The following DNMT1 variants were observed in gnomAD, a reference collection of about 807,000 sequenced individuals.
The protein encoded by DNMT1 is DNA methyltransferase 1, also known as DNA (cytosine-5)-methyltransferase 1.
A neutral mutation model predicts 205.3 loss-of-function variants in DNMT1; 24 were observed. The ratio of observed to expected loss-of-function variants is 0.12; its 90% CI spans 0.08 to 0.16. DNMT1 has a LOEUF of 0.16. Among genes scored for constraint, DNMT1 ranks in the 10% least tolerant of loss-of-function variants. DNMT1 has a pLI of 1.00. For synonymous variants in DNMT1, 817 were observed against 839.8 expected (o/e 0.97, Z 0.47); for missense variants, 1,293 against 2,177.7 (o/e 0.59, Z 8.09).
At chr19:10,150,819 A>G (rs1214378672) in intron 24 of DNMT1, among the ~76,000 whole-genome samples, 1 of 152,168 alleles carries the variant, frequency 6.6e-6, no homozygotes, top group Non-Finnish European at 1.5e-5. Context: ...GGGGCCAGGC[A>G]CAGTGGCTCC....
Position 10,139,730 on chromosome 19 carries a change from G to T in DNMT1, c.3894C>A (p.Leu1298=). 1.2e-6 allele frequency: 2 copies of T among 1,613,500 alleles called. No homozygotes were observed. The highest frequency in any genetic ancestry group is 1.7e-6 in the Non-Finnish European group (2 of 1,179,886). ...CCATGCGGACCAGGCAGCGGAGGGTGAGCTTCAGGACCATGGAGCGCTTGA... is the reference window on the plus strand; with the variant it reads ...CCATGCGGACCAGGCAGCGGAGGGTTAGCTTCAGGACCATGGAGCGCTTGA... ...VSFKRSMVLK[L]TLRCLVRMGY... is the part of the protein sequence containing the mutation. The change falls in exon 34 of 41, where the codon CTC becomes CTA. Residue 1298 remains leucine, a synonymous_variant. Coordinates refer to ENST00000359526, the MANE Select transcript of DNMT1 (RefSeq NM_001130823.3).
rs558564047 is a variant in DNMT1 at position 10,139,496 on chromosome 19, G to C, written c.3948+180C>G. On this transcript the variant is annotated intron_variant, in intron 34 of 40. Coordinates refer to ENST00000359526, the MANE Select transcript of DNMT1 (RefSeq NM_001130823.3). ...AGAGACACTAGCGGTGGACTTGCTG[G>C]GGGCCGGCTGAGCACGCATCTCCCC... Among the ~76,000 whole-genome samples, 400 of 152,338 alleles carry C rather than the reference G, an allele frequency of 2.6e-3. 2 individuals carry two copies. Among genetic ancestry groups the C allele is most frequent in the African/African-American group, 9.3e-3 (388 of 41,584 alleles).
intron 28 of DNMT1, 136 bp from the exon 29 acceptor site, chr19:10,144,123 AT>A: frequency 2.1e-6 from 2 of 931,888 alleles, no homozygotes; most frequent in Non-Finnish European, 1.7e-6. Flanking sequence ...CTAAGAAATG[AT>A]TTAGGCTGGG....
chr19:10,183,570 T>C (rs944144178), intron 1 of DNMT1, among the ~76,000 whole-genome samples: 1 of 152,068 alleles, frequency 6.6e-6, no homozygotes. Flanking sequence ...ATACAAAAAT[T>C]AGTGGCTGGG....
Position 10,151,426 on chromosome 19 carries a change from C to T in DNMT1, c.2237G>A (p.Arg746His). The change falls in exon 24 of 41, where the codon CGC (arginine) becomes CAC (histidine). Residue 746 changes from arginine (R) to histidine (H), a missense_variant. By Grantham distance (29) the Arg-to-His change is conservative. Around this residue, in one of 13 missense-constraint regions of DNMT1, gnomAD observed 197 missense variants for 353.6 expected, o/e 0.56. Transcript: ENST00000359526. The surrounding 1 kb of genome is among the most constrained non-coding windows in gnomAD (Gnocchi z 5.0). ...QGKKKKQNKNRISWVGEAVKT... is the reference protein window; with the variant it reads ...QGKKKKQNKNHISWVGEAVKT... The stretch of plus-strand genomic sequence containing the variant: ...GACGGCTTCTCCGACCCAAGAGATG[C>T]GATTCTTGTTCTGTTTCTTCTTCTT... The T allele has an allele frequency of 3.1e-6, 5 of 1,613,906 alleles. No homozygotes were observed. Among genetic ancestry groups the T allele is most frequent in the Non-Finnish European group, 3.4e-6 (4 of 1,180,014 alleles).
chr19:10,187,826 G>A (rs1026377226), intron 1 of DNMT1, among the ~76,000 whole-genome samples: 2 of 151,454 alleles, frequency 1.3e-5, no homozygotes, highest in Admixed American at 6.6e-5. Flanking sequence ...AACACAGCGA[G>A]ACCCTGTCTC....
chr19:10,152,702 A>G lies in DNMT1; in HGVS notation c.2020-855T>C, dbSNP rs550489888. On this transcript the variant is annotated intron_variant, in intron 22 of 40. Coordinates refer to ENST00000359526, the MANE Select transcript of DNMT1 (RefSeq NM_001130823.3). The stretch of plus-strand genomic sequence containing the variant: ...CTTGAGCCCAGTAGGTTGAGAATGC[A>G]GTGAGCTACAATCATGCCACTGCAT... 2.6e-5 allele frequency among the ~76,000 whole-genome samples: 4 copies of G among 152,224 alleles called. No individual in the cohort carries two copies. The South Asian group carries it at 8.3e-4, about 32-fold the overall frequency.
rs1403747223 is a variant in DNMT1, at chr19:10,146,329, G to A, written c.2894+22C>T. On this transcript the variant is annotated intron_variant, in intron 28 of 40. Transcript: ENST00000359526. This position sits in a 1 kb window ranked among gnomAD's most constrained non-coding sequence, Gnocchi z 4.4. ...CTCAGCCTGGAGCGCCCTGGCCCCG[G>A]CTGCTCCGAGGGGGCACTTACTTGA... The A allele has an allele frequency of 5.0e-6, 8 of 1,613,174 alleles. No individual in the cohort carries two copies. Among genetic ancestry groups the A allele is most frequent in the Admixed American group, 1.7e-5 (1 of 59,908 alleles).
At chr19:10,182,453 GTATATATATGTGTGTATA>G (rs2039077925) in intron 1 of DNMT1, among the ~76,000 whole-genome samples, 1 of 119,850 alleles carries the variant, frequency 8.3e-6, no homozygotes, top group African/African-American at 3.1e-5. Context: ...ATATATATGT[GTATATATATGTGTGTATA>G]TATATACATA....
At chr19:10,135,616 G>C in intron 39 of DNMT1, 120 bp downstream of exon 39, 1 of 1,046,214 alleles carries the variant, frequency 9.6e-7, no homozygotes, top group East Asian at 2.6e-5. Context: ...GAGAGTGATG[G>C]GGCTACCCGG....
Position 10,138,515 on chromosome 19 carries a change from G to C in DNMT1, c.4039C>G (p.Leu1347Val). ...GEKLPLFPEP[L>V]HVFAPRACQL... ...CAGGCCCGGGGAGCAAACACGTGCA[G>C]TGGCTCCGGGAACAGAGGGAGCTTC... is the stretch of plus-strand genomic sequence containing the variant. The change falls in exon 35 of 41, where the codon CTG (leucine) becomes GTG (valine). Residue 1347 changes from leucine (L) to valine (V), a missense_variant. Physicochemically the swap from Leu to Val is conservative, Grantham distance 32. Coordinates refer to ENST00000359526, the MANE Select transcript of DNMT1 (RefSeq NM_001130823.3). This position sits in a 1 kb window ranked among gnomAD's most constrained non-coding sequence, Gnocchi z 4.1. 2 of 1,613,412 alleles carry C rather than the reference G, an allele frequency of 1.2e-6. No homozygotes were observed. The highest frequency in any genetic ancestry group is 1.7e-6 in the Non-Finnish European group (2 of 1,180,044).
chr19:10,170,786 TG>T (rs1013435678), intron 9 of DNMT1, among the ~76,000 whole-genome samples: 2 of 151,940 alleles, frequency 1.3e-5, no homozygotes, highest in Non-Finnish European at 2.9e-5. Context: ...TTTGTTTGTT[TG>T]TTTTGTTTGT....
In DNMT1 at chr19:10,177,166, G is replaced by C. The variant is rs186792836; in HGVS notation, c.569+126C>G. On this transcript the variant is annotated intron_variant, in intron 6 of 40. Coordinates refer to ENST00000359526, the MANE Select transcript of DNMT1 (RefSeq NM_001130823.3). ...GAAATGCTATTCATAAATGTCTAGA[G>C]AACAGAACCGCAAGATGAAAACCTA... 1.8e-4 allele frequency: 158 copies of C among 856,044 alleles called. No homozygotes were observed. The Middle Eastern group carries it at 2.0e-3, about 11-fold the overall frequency. 53.0% of individuals were successfully genotyped at this position (856,044 alleles called of 1,614,324 possible).
chr19:10,146,637 G>T lies in DNMT1; in HGVS notation c.2721-113C>A. 7.3e-7 allele frequency: 1 copy of T among 1,367,474 alleles called. No homozygotes were observed. The allele number at this position is 1,367,474 out of a possible 1,614,324, so 84.7% of individuals were successfully genotyped here. A position where few individuals can be genotyped will look rare whatever the true frequency, so the allele number is the denominator to read the frequency against. On this transcript the variant is annotated intron_variant, in intron 27 of 40. Coordinates refer to ENST00000359526, the MANE Select transcript of DNMT1 (RefSeq NM_001130823.3). This position sits in a 1 kb window ranked among gnomAD's most constrained non-coding sequence, Gnocchi z 4.4. Reference sequence around the variant, plus strand: ...TGGTAACCAAGAGGAAAAAACATTTGCAGATGCTAGAAGGAAGAGGTGGCT... The same window carrying T: ...TGGTAACCAAGAGGAAAAAACATTTTCAGATGCTAGAAGGAAGAGGTGGCT...
intron 39 of DNMT1, 73 bp from the exon 40 acceptor site, chr19:10,134,380 G>GC: frequency 7.1e-7 from 1 of 1,416,440 alleles, no homozygotes; most frequent in Admixed American, 1.8e-5. Flanking sequence ...TGTACTGCCA[G>GC]CCCCTGCTCA....
intron 1 of DNMT1, among the ~76,000 whole-genome samples, chr19:10,189,625 C>T (rs2039262916): frequency 6.6e-6 from 1 of 150,956 alleles, no homozygotes; most frequent in African/African-American, 2.4e-5. Flanking sequence ...TCCTATGTTG[C>T]CCAGACTAGT....
chr19:10,162,520 T>G (rs1461465361), intron 13 of DNMT1, 147 bp downstream of exon 13: 1 of 789,574 alleles, frequency 1.3e-6, no homozygotes, highest in Non-Finnish European at 2.0e-6. Flanking sequence ...TTCACCCGCT[T>G]CAGCCTCTCA....
chr19:10,193,675 A>G (rs1488993426), intron 1 of DNMT1, among the ~76,000 whole-genome samples: 3 of 151,862 alleles, frequency 2.0e-5, no homozygotes, highest in Admixed American at 2.0e-4. Flanking sequence ...CAAAAAAAAA[A>G]AAAAAAAGAA....
chr19:10,149,723 A>G (rs963905088), intron 25 of DNMT1, 66 bp from the exon 26 acceptor site: 1 of 1,610,748 alleles, frequency 6.2e-7, no homozygotes, highest in Admixed American at 1.7e-5. Context: ...GACCAAGTCT[A>G]TGCAGGAGCA....
Sources: gnomAD v4.1 joint callset for allele counts (sites outside exome capture counted in the v4.1 genomes callset) on GRCh38, gnomAD v4.1.1 for gene constraint, gnomAD v4.1.1 regional missense constraint, Gnocchi (gnomAD v3.1) non-coding constraint, MANE v1.5 for transcripts, NCBI Gene and HGNC (gene_info 2026-07-23, HGNC 2026-07-21) for gene names.